Variants in PCDHGA3 observed in about 807,000 individuals in gnomAD.
PCDHGA3 encodes the protein protocadherin gamma subfamily A, 3.
Under a neutral mutation model 58.5 loss-of-function variants are expected in PCDHGA3, and 40 were observed. The observed-to-expected ratio is 0.68, with a 90% CI of 0.53 to 0.89. PCDHGA3 has a LOEUF of 0.89. PCDHGA3 is among the 40% of genes least tolerant of loss of function. PCDHGA3 has a pLI of 0.00. For missense variants in PCDHGA3, 1,223 were observed against 1,195.9 expected (o/e 1.02, Z -0.33); for synonymous variants, 530 against 525.7 (o/e 1.01, Z -0.11).
intron 1 of PCDHGA3, chr5:141,351,748 G>C: frequency 6.2e-7 from 1 of 1,613,678 alleles, no homozygotes; most frequent in Non-Finnish European, 8.5e-7. Context: ...AGCCGCGGGA[G>C]CTGTTGTCCT....
chr5:141,388,628 G>T (rs752578230), intron 1 of PCDHGA3: 1 of 1,613,898 alleles, frequency 6.2e-7, no homozygotes, highest in East Asian at 2.2e-5. Flanking sequence ...ACGTATACAG[G>T]GTGAGCCTTT....
At chr5:141,415,640 T>C in intron 1 of PCDHGA3, 1 of 1,594,726 alleles carries the variant, frequency 6.3e-7, no homozygotes, top group Non-Finnish European at 8.5e-7. Context: ...TTTACTTTTG[T>C]TAAAAAAAAA....
At position 141,505,390 on chromosome 5, in the gene PCDHGA3, C is replaced by T; in HGVS notation, c.2484-3C>T. On this transcript the variant is annotated splice_polypyrimidine_tract_variant and splice_region_variant and intron_variant, in intron 2 of 3. Coordinates refer to ENST00000253812, the MANE Select transcript of PCDHGA3 (RefSeq NM_018916.4). ...TGTGCTCACCATCCTACTCTCTCCCCAGCTCCCAAAATGGCGATGACACCG... is the reference window on the plus strand; with the variant it reads ...TGTGCTCACCATCCTACTCTCTCCCTAGCTCCCAAAATGGCGATGACACCG... The T allele has an allele frequency of 6.2e-7, 1 of 1,614,130 alleles. No individual in the cohort carries two copies.
intron 1 of PCDHGA3, among the ~76,000 whole-genome samples, chr5:141,482,914 A>G (rs1023561837): frequency 6.6e-6 from 1 of 152,162 alleles, no homozygotes; most frequent in Non-Finnish European, 1.5e-5. Context: ...TCTATTAAAA[A>G]TACAAAAAAT....
chr5:141,372,520 T>A, intron 1 of PCDHGA3: 1 of 1,614,068 alleles, frequency 6.2e-7, no homozygotes, highest in Non-Finnish European at 8.5e-7. Flanking sequence ...GCGGTGATTC[T>A]GGCAATCTCC....
chr5:141,432,763 C>T lies in PCDHGA3; in HGVS notation c.2425-62044C>T. The T allele has an allele frequency of 6.2e-7, 1 of 1,614,152 alleles. No homozygotes were observed. The highest frequency in any genetic ancestry group is 8.5e-7 in the Non-Finnish European group (1 of 1,180,004). ...TCACCGTGGCCGTGGCCGACAGCAT[C>T]CCCCAAGTCCTGGCGGACCTCGGCA... On this transcript the variant is annotated intron_variant, in intron 1 of 3. Transcript: ENST00000253812. This position sits in a 1 kb window ranked among gnomAD's most constrained non-coding sequence, Gnocchi z 6.0.
At position 141,355,712 on chromosome 5, in the gene PCDHGA3, A is replaced by G. The variant is rs1759947132; in HGVS notation, c.2424+9255A>G. 13 of 1,613,928 alleles carry G rather than the reference A, an allele frequency of 8.1e-6. No individual in the cohort carries two copies. In the East Asian group the frequency reaches 2.7e-4, roughly 33 times the overall value. ...GGTGTAAACTCCCTGCAGGGTTACC[A>G]GCTCAACTCAAACGGTTACTTTTCC... is the stretch of plus-strand genomic sequence containing the variant. On this transcript the variant is annotated intron_variant, in intron 1 of 3. Coordinates refer to ENST00000253812, the MANE Select transcript of PCDHGA3 (RefSeq NM_018916.4).
At chr5:141,398,006 A>G in intron 1 of PCDHGA3, 1 of 1,396,152 alleles carries the variant, frequency 7.2e-7, no homozygotes. Context: ...TCGGAAAAAG[A>G]ATCGTTTCCT....
In PCDHGA3 at chr5:141,404,306, T is replaced by C. The variant is rs200297928; in HGVS notation, c.2424+57849T>C. 1,450 of 1,613,824 alleles carry C rather than the reference T, an allele frequency of 9.0e-4. 2 individuals carry two copies. Among genetic ancestry groups the C allele is most frequent in the Admixed American group, 2.4e-3 (143 of 60,004 alleles). ...TGACATCAATGATAATCCACCTGCT[T>C]TCTCTCAAGCCTCCTACTCAGTCTA... On this transcript the variant is annotated intron_variant, in intron 1 of 3. Coordinates refer to ENST00000253812, the MANE Select transcript of PCDHGA3 (RefSeq NM_018916.4).
intron 1 of PCDHGA3, among the ~76,000 whole-genome samples, chr5:141,420,710 G>A (rs2096519301): frequency 6.6e-6 from 1 of 152,186 alleles, no homozygotes; most frequent in South Asian, 2.1e-4. Flanking sequence ...TTCCAGAAAT[G>A]TCGTTCCTTT....
rs757568006 is a variant in PCDHGA3 at position 141,389,895 on chromosome 5, C to A, written c.2424+43438C>A. 1.2e-5 allele frequency: 20 copies of A among 1,614,088 alleles called. No homozygotes were observed. In the Middle Eastern group the frequency reaches 2.0e-3, roughly 160 times the overall value. On this transcript the variant is annotated intron_variant, in intron 1 of 3. Coordinates refer to ENST00000253812, the MANE Select transcript of PCDHGA3 (RefSeq NM_018916.4). Reference sequence around the variant, plus strand: ...CGCCGACAGCTTGCAGGAGGTGCTGCCGGATATCACTGACCGCCCCGACCC... The same window carrying A: ...CGCCGACAGCTTGCAGGAGGTGCTGACGGATATCACTGACCGCCCCGACCC...
chr5:141,476,281 T>G lies in PCDHGA3; in HGVS notation c.2425-18526T>G. On this transcript the variant is annotated intron_variant, in intron 1 of 3. Coordinates refer to ENST00000253812, the MANE Select transcript of PCDHGA3 (RefSeq NM_018916.4). This position sits in a 1 kb window ranked among gnomAD's most constrained non-coding sequence, Gnocchi z 7.6. ...TGGGCAACGTGGTCGCGAACCTTGGTTTGGATCTCGGTAGCCTCTCAGCCC... is the reference window on the plus strand; with the variant it reads ...TGGGCAACGTGGTCGCGAACCTTGGGTTGGATCTCGGTAGCCTCTCAGCCC... 1 of 1,614,048 alleles carries G rather than the reference T, an allele frequency of 6.2e-7. No homozygotes were observed. The highest frequency in any genetic ancestry group is 1.1e-5 in the South Asian group (1 of 91,062).
At chr5:141,458,094 A>G (rs1036190372) in intron 1 of PCDHGA3, among the ~76,000 whole-genome samples, 3 of 152,260 alleles carry the variant, frequency 2.0e-5, no homozygotes, top group African/African-American at 7.2e-5. Context: ...AGTTAAGAGT[A>G]CTTACAGATA....
chr5:141,357,704 T>C (rs745493003), intron 1 of PCDHGA3: 63 of 1,496,340 alleles, frequency 4.2e-5, no homozygotes, highest in Non-Finnish European at 5.5e-5. Flanking sequence ...ATATGTAATA[T>C]ATCAAATAAA....
rs769872504 is a variant in PCDHGA3, at chr5:141,394,062, A to G, written c.2424+47605A>G. 2.5e-6 allele frequency: 4 copies of G among 1,613,808 alleles called. No homozygotes were observed. The South Asian group carries it at 4.4e-5, about 18-fold the overall frequency. On this transcript the variant is annotated intron_variant, in intron 1 of 3. Coordinates refer to ENST00000253812, the MANE Select transcript of PCDHGA3 (RefSeq NM_018916.4). ...ATATTTGGACCGAGAAAATGTCTCT[A>G]TCTACAATATCACAGTGATGGCCTC... is the stretch of plus-strand genomic sequence containing the variant.
At chr5:141,349,051 G>A (rs538909066) in intron 1 of PCDHGA3, among the ~76,000 whole-genome samples, 1 of 151,964 alleles carries the variant, frequency 6.6e-6, no homozygotes, top group Non-Finnish European at 1.5e-5. Context: ...GGTATAAGTC[G>A]GCTGGAGCTG....
intron 1 of PCDHGA3, among the ~76,000 whole-genome samples, chr5:141,348,137 A>C (rs1000544718): frequency 2.0e-5 from 3 of 152,268 alleles, no homozygotes; most frequent in Admixed American, 6.5e-5. Flanking sequence ...TCATGAAATC[A>C]TATGAGAGTT....
intron 1 of PCDHGA3, chr5:141,393,085 A>T (rs1350561914): frequency 5.6e-6 from 9 of 1,613,542 alleles, no homozygotes; most frequent in Non-Finnish European, 7.6e-6. Flanking sequence ...GGCAGGATAG[A>T]TCGGGAGGAG....
chr5:141,485,935 C>A lies in PCDHGA3; in HGVS notation c.2425-8872C>A. The stretch of plus-strand genomic sequence containing the variant: ...GCTACAGGATTAGTGTGTTGGAGAG[C>A]GCACCAGCGGGCATGGTGCTCATCC... On this transcript the variant is annotated intron_variant, in intron 1 of 3. Coordinates refer to ENST00000253812, the MANE Select transcript of PCDHGA3 (RefSeq NM_018916.4). This position sits in a 1 kb window ranked among gnomAD's most constrained non-coding sequence, Gnocchi z 5.7. The A allele has an allele frequency of 3.1e-6, 5 of 1,614,144 alleles. No homozygotes were observed. Among genetic ancestry groups the A allele is most frequent in the Non-Finnish European group, 3.4e-6 (4 of 1,180,030 alleles).
Sources: allele counts gnomAD v4.1 joint callset (sites outside exome capture counted in the v4.1 genomes callset), GRCh38; gene constraint gnomAD v4.1.1; non-coding constraint Gnocchi (gnomAD v3.1); transcripts MANE v1.5; gene names NCBI Gene and HGNC (gene_info 2026-07-23, HGNC 2026-07-21).